Variants in TENM3 observed in about 807,000 individuals in gnomAD.
TENM3 encodes teneurin-3.
Under a neutral mutation model 255.1 loss-of-function variants are expected in TENM3, and 63 were observed. The observed-to-expected ratio is 0.25, with a 90% CI of 0.20 to 0.30. The LOEUF (loss-of-function observed/expected upper bound fraction) is 0.30, where lower values mean the gene tolerates loss of function less well. Ranked by LOEUF, TENM3 falls within the 10% of genes least tolerant of loss-of-function variation. TENM3 has a pLI of 1.00. For synonymous variants in TENM3, 1,306 were observed against 1,322.3 expected (o/e 0.99, Z 0.27); for missense variants, 2,929 against 3,461.1 (o/e 0.85, Z 3.86).
At chr4:182,589,084 T>C (rs745833392) in intron 3 of TENM3, among the ~76,000 whole-genome samples, 1 of 152,208 alleles carries the variant, frequency 6.6e-6, no homozygotes, top group African/African-American at 2.4e-5. Context: ...ATATTCTGTT[T>C]AATTTCACAA....
At chr4:182,602,464 G>A (rs554377017) in intron 4 of TENM3, among the ~76,000 whole-genome samples, 1 of 152,198 alleles carries the variant, frequency 6.6e-6, no homozygotes, top group Non-Finnish European at 1.5e-5. Context: ...ATTCTGCCTT[G>A]AGGATGAGCT....
At chr4:182,573,596 G>A (rs1484153128) in intron 3 of TENM3, among the ~76,000 whole-genome samples, 1 of 152,094 alleles carries the variant, frequency 6.6e-6, no homozygotes, top group Non-Finnish European at 1.5e-5. Context: ...TAGTTTCCCA[G>A]ATTGAACGAA....
At chr4:182,117,161 TA>T in the TENM3 span, among the ~76,000 whole-genome samples, 1 of 152,230 alleles carries the variant, frequency 6.6e-6, no homozygotes, top group African/African-American at 2.4e-5. Context: ...GAGTTTTAGG[TA>T]TTCTTTGTAT....
At chr4:181,612,004 CA>C in the TENM3 span, among the ~76,000 whole-genome samples, 8 of 152,142 alleles carry the variant, frequency 5.3e-5, no homozygotes, top group African/African-American at 1.9e-4. Context: ...GTTCTTGTTG[CA>C]AAAGTTAATG....
chr4:181,951,074 A>G, the TENM3 span, among the ~76,000 whole-genome samples: 1 of 147,640 alleles, frequency 6.8e-6, no homozygotes, highest in East Asian at 1.9e-4. Context: ...ACAAACAAAT[A>G]AAGAAGATAC....
At chr4:182,737,151 G>A in intron 17 of TENM3, 76 bp downstream of exon 17, 4 of 1,464,116 alleles carry the variant, frequency 2.7e-6, no homozygotes, top group African/African-American at 1.4e-5. Context: ...TTGTAACCCA[G>A]GGAAGTCAGT....
At chr4:181,715,875 C>A in the TENM3 span, among the ~76,000 whole-genome samples, 1 of 152,214 alleles carries the variant, frequency 6.6e-6, no homozygotes, top group Non-Finnish European at 1.5e-5. Context: ...AGTGCCCCCA[C>A]AGATAATAAT....
At chr4:181,781,579 C>T in the TENM3 span, among the ~76,000 whole-genome samples, 1 of 152,160 alleles carries the variant, frequency 6.6e-6, no homozygotes, top group South Asian at 2.1e-4. Context: ...GACAATTTGA[C>T]TTCCTCTTTT....
chr4:182,679,147 G>A lies in TENM3; in HGVS notation c.1327-519G>A, dbSNP rs569010600. Among the ~76,000 whole-genome samples, 250 of 152,054 alleles carry A rather than the reference G, an allele frequency of 1.6e-3. 1 individual carries two copies. The highest frequency in any genetic ancestry group is 5.3e-3 in the African/African-American group (221 of 41,488). On this transcript the variant is annotated intron_variant, in intron 7 of 27. Transcript: ENST00000511685. ...TGGGTGCAGCAAACCACCATGGCAC[G>A]TGTATACCTATGTAACAAACCAGCA...
chr4:181,689,845 ATAC>A, the TENM3 span, among the ~76,000 whole-genome samples: 1 of 152,134 alleles, frequency 6.6e-6, no homozygotes, highest in Non-Finnish European at 1.5e-5. Flanking sequence ...TCGGTTACGG[ATAC>A]ATCCCCCTAC....
the TENM3 span, among the ~76,000 whole-genome samples, chr4:181,563,191 G>A: frequency 7.2e-5 from 11 of 152,268 alleles, no homozygotes; most frequent in South Asian, 4.1e-4. Flanking sequence ...TCAAGGTGTC[G>A]TCAGCAGGGC....
the TENM3 span, among the ~76,000 whole-genome samples, chr4:181,996,162 A>C: frequency 1.3e-5 from 2 of 148,902 alleles, no homozygotes; most frequent in African/African-American, 4.9e-5. Context: ...CTACGGTTAA[A>C]AAAAAAAAAA....
chr4:182,358,923 C>T (rs1269208472), intron 3 of TENM3, among the ~76,000 whole-genome samples: 3 of 151,720 alleles, frequency 2.0e-5, no homozygotes, highest in Admixed American at 6.6e-5. Flanking sequence ...GAGTTTTTAG[C>T]GTGAAGGGTT....
At chr4:181,810,728 T>C in the TENM3 span, among the ~76,000 whole-genome samples, 1 of 152,030 alleles carries the variant, frequency 6.6e-6, no homozygotes. Context: ...CAGTGGCATT[T>C]GAAGTGGGCC....
At chr4:181,960,504 C>T in the TENM3 span, among the ~76,000 whole-genome samples, 1 of 152,152 alleles carries the variant, frequency 6.6e-6, no homozygotes, top group Non-Finnish European at 1.5e-5. Flanking sequence ...CTCACTTCAT[C>T]CTTTGGAAAA....
chr4:181,657,163 G>C, the TENM3 span, among the ~76,000 whole-genome samples: 5 of 152,190 alleles, frequency 3.3e-5, no homozygotes, highest in Non-Finnish European at 7.3e-5. Context: ...GTGATCTTTA[G>C]ATTTGCTTCT....
chr4:181,954,651 A>G, the TENM3 span, among the ~76,000 whole-genome samples: 7 of 152,096 alleles, frequency 4.6e-5, no homozygotes, highest in African/African-American at 1.7e-4. Flanking sequence ...ATATATTCTG[A>G]TTCTAGATCT....
chr4:182,097,602 ATG>A, the TENM3 span, among the ~76,000 whole-genome samples: 1 of 152,214 alleles, frequency 6.6e-6, no homozygotes, highest in African/African-American at 2.4e-5. Context: ...AGCTAATACC[ATG>A]TGTTATAACA....
chr4:182,181,743 T>C (rs1752852658), intron 1 of TENM3, among the ~76,000 whole-genome samples: 1 of 152,338 alleles, frequency 6.6e-6, no homozygotes, highest in South Asian at 2.1e-4. Context: ...AGGTATTATA[T>C]GTTGTTAGAT....
Sources: allele counts gnomAD v4.1 joint callset (sites outside exome capture counted in the v4.1 genomes callset), GRCh38; gene constraint gnomAD v4.1.1; transcripts MANE v1.5; gene names NCBI Gene and HGNC (gene_info 2026-07-23, HGNC 2026-07-21).